ANKRD55: variants seen among roughly 807,000 people sequenced by gnomAD.
The protein encoded by ANKRD55 is ankyrin repeat domain 55, also known as ankyrin repeat domain-containing protein 55.
In ANKRD55, 41 loss-of-function variants were observed where a neutral mutation model predicts 60.6. The ratio of observed to expected loss-of-function variants is 0.68; its 90% CI spans 0.53 to 0.88. ANKRD55 has a LOEUF of 0.88. Among genes scored for constraint, ANKRD55 ranks in the 40% least tolerant of loss-of-function variants. The pLI, the probability that ANKRD55 is intolerant of heterozygous loss-of-function variation, is 0.00. For missense variants in ANKRD55, 732 were observed against 767.6 expected, an observed-to-expected ratio of 0.95 and a Z score of 0.55; for synonymous variants, 264 against 290.3, an observed-to-expected ratio of 0.91 and a Z score of 0.92.
rs116517986 is a variant in ANKRD55, at chr5:56,215,072, G to A, written c.58+17784C>T. Among the ~76,000 whole-genome samples the A allele has an allele frequency of 9.2e-3, 1,404 of 152,186 alleles. 34 individuals are homozygous for A. The highest frequency in any genetic ancestry group is 0.031 in the African/African-American group (1,298 of 41,516). On this transcript the variant is annotated intron_variant, in intron 2 of 11. Transcript: ENST00000341048. ...CACAACCAAAGAGCAAGATGCCAAG[G>A]CTGAAAGAATTCTTTTTTTTTTTAA...
At chr5:56,208,435 A>G (rs1759571372) in intron 2 of ANKRD55, among the ~76,000 whole-genome samples, 1 of 151,752 alleles carries the variant, frequency 6.6e-6, no homozygotes, top group African/African-American at 2.4e-5. Flanking sequence ...TTATTTATTT[A>G]TTTATTTTTG....
At chr5:56,121,062 A>G (rs1422579861) in intron 8 of ANKRD55, among the ~76,000 whole-genome samples, 2 of 152,136 alleles carry the variant, frequency 1.3e-5, no homozygotes, top group Non-Finnish European at 2.9e-5. Flanking sequence ...GCAGGCCAAG[A>G]TGGCGCCCGT....
Position 56,154,897 on chromosome 5 carries a change from C to G in ANKRD55, c.483+4936G>C, listed in dbSNP as rs1758154839. On this transcript the variant is annotated intron_variant, in intron 6 of 11. Coordinates refer to ENST00000341048, the MANE Select transcript of ANKRD55 (RefSeq NM_024669.3). ...AGCCGTGGAGCCGGGCCTCAAAGATCTTAACTGGCTTCATTTGCAATTCTA... is the reference window on the plus strand; with the variant it reads ...AGCCGTGGAGCCGGGCCTCAAAGATGTTAACTGGCTTCATTTGCAATTCTA... Among the ~76,000 whole-genome samples, 4 of 152,030 alleles carry G rather than the reference C, an allele frequency of 2.6e-5. No homozygotes were observed. In the South Asian group the frequency reaches 8.3e-4, roughly 32 times the overall value.
intron 9 of ANKRD55, among the ~76,000 whole-genome samples, chr5:56,112,347 T>C (rs1178377780): frequency 1.3e-5 from 2 of 151,528 alleles, no homozygotes; most frequent in African/African-American, 2.4e-5. Context: ...AACTAAAACT[T>C]TCCTATCGAA....
chr5:56,108,649 G>A lies in ANKRD55; in HGVS notation c.1630+2469C>T, dbSNP rs1325166283. Among the ~76,000 whole-genome samples, 4 of 152,184 alleles carry A rather than the reference G, an allele frequency of 2.6e-5. No individual in the cohort carries two copies. In the East Asian group the frequency reaches 5.8e-4, roughly 22 times the overall value. On this transcript the variant is annotated intron_variant, in intron 10 of 11. Transcript: ENST00000341048. ...CAAAGGCTTCAGGCACTGGGCACAT[G>A]TCAAAGGGTGAAGAGAGTCAAAATC...
chr5:56,124,454 C>CTT (rs1221172418), intron 8 of ANKRD55, among the ~76,000 whole-genome samples: 1 of 152,098 alleles, frequency 6.6e-6, no homozygotes, highest in Non-Finnish European at 1.5e-5. Flanking sequence ...ATTGTAAATA[C>CTT]TTAAAGCACA....
intron 6 of ANKRD55, among the ~76,000 whole-genome samples, chr5:56,153,134 C>T (rs1163457364): frequency 1.4e-5 from 2 of 144,888 alleles, no homozygotes; most frequent in Non-Finnish European, 3.1e-5. Flanking sequence ...TGTAAACAGG[C>T]AAGTCACAAA....
intron 6 of ANKRD55, among the ~76,000 whole-genome samples, chr5:56,147,316 T>C (rs1462726611): frequency 2.0e-5 from 3 of 152,208 alleles, no homozygotes; most frequent in African/African-American, 7.2e-5. Context: ...CCACACATCA[T>C]GGTGGTAGAA....
intron 2 of ANKRD55, among the ~76,000 whole-genome samples, chr5:56,187,139 A>G (rs1758990865): frequency 6.6e-6 from 1 of 152,242 alleles, no homozygotes; most frequent in Non-Finnish European, 1.5e-5. Context: ...GATAGTATTT[A>G]ATAGAGCTAA....
intron 2 of ANKRD55, among the ~76,000 whole-genome samples, chr5:56,187,745 T>A (rs1355013768): frequency 6.6e-6 from 1 of 152,196 alleles, no homozygotes; most frequent in Non-Finnish European, 1.5e-5. Flanking sequence ...GGTTCTAGGT[T>A]CTCTTCCGTG....
At chr5:56,177,790 A>G (rs781530518) in intron 3 of ANKRD55, among the ~76,000 whole-genome samples, 10 of 151,950 alleles carry the variant, frequency 6.6e-5, no homozygotes, top group Non-Finnish European at 1.2e-4. Context: ...AAAAACACAC[A>G]CACAAAGAAA....
chr5:56,132,424 C>CAAAAAAAAAAAAAAAAAAAAAAAAA (rs34289990), intron 7 of ANKRD55, among the ~76,000 whole-genome samples: 2 of 120,358 alleles, frequency 1.7e-5, no homozygotes, highest in Middle Eastern at 4.0e-3. Context: ...ACTTAAAATA[C>CAAAAAAAAAAAAAAAAAAAAAAAAA]AAAAAAAAAA....
At chr5:56,167,082 C>A (rs1758501197) in intron 5 of ANKRD55, among the ~76,000 whole-genome samples, 1 of 152,106 alleles carries the variant, frequency 6.6e-6, no homozygotes, top group African/African-American at 2.4e-5. Context: ...ATAGGGAATC[C>A]TTTAGGGTGG....
At chr5:56,148,830 C>T (rs530286250) in intron 6 of ANKRD55, among the ~76,000 whole-genome samples, 64 of 148,688 alleles carry the variant, frequency 4.3e-4, no homozygotes, top group African/African-American at 1.4e-3. Flanking sequence ...TCTTGGTTGG[C>T]GGTTCGGGGT....
intron 8 of ANKRD55, chr5:56,117,030 G>A (rs1756906326): frequency 5.2e-6 from 2 of 381,212 alleles, no homozygotes. Context: ...TTTCCTAGAA[G>A]AGGAAGTAGT....
At chr5:56,116,558 C>A in intron 9 of ANKRD55, 57 bp downstream of exon 9, 1 of 1,365,406 alleles carries the variant, frequency 7.3e-7, no homozygotes, top group Non-Finnish European at 9.5e-7. Flanking sequence ...AACATTTCAT[C>A]CAAATTTATA....
intron 6 of ANKRD55, among the ~76,000 whole-genome samples, chr5:56,158,174 C>A (rs1420900491): frequency 6.8e-6 from 1 of 147,482 alleles, no homozygotes; most frequent in African/African-American, 2.4e-5. Context: ...GAGTAAGAAT[C>A]TGTCTATTTA....
At chr5:56,158,873 T>C (rs1406668867) in intron 6 of ANKRD55, among the ~76,000 whole-genome samples, 1 of 151,984 alleles carries the variant, frequency 6.6e-6, no homozygotes, top group African/African-American at 2.4e-5. Flanking sequence ...TTTAAACTTT[T>C]TGTAGAAATG....
chr5:56,219,365 A>C (rs1034413918), intron 2 of ANKRD55, among the ~76,000 whole-genome samples: 6 of 152,150 alleles, frequency 3.9e-5, no homozygotes, highest in Non-Finnish European at 1.5e-5. Context: ...GCACACTTAG[A>C]AATGGAAGTA....
Sources: gnomAD v4.1 joint callset for allele counts (sites outside exome capture counted in the v4.1 genomes callset) on GRCh38, gnomAD v4.1.1 for gene constraint, MANE v1.5 for transcripts, NCBI Gene and HGNC (gene_info 2026-07-23, HGNC 2026-07-21) for gene names.